The following CDV3 variants were observed in gnomAD, a reference collection of about 807,000 sequenced individuals.
CDV3 encodes protein CDV3 homolog.
In CDV3, 14 loss-of-function variants were observed where a neutral mutation model predicts 24.5. The observed-to-expected ratio is 0.57, with a 90% confidence interval of 0.38 to 0.89. The LOEUF is 0.89. Ranked by LOEUF, CDV3 falls within the 40% of genes least tolerant of loss-of-function variation. CDV3 has a pLI of 0.00. For missense variants in CDV3, 304 were observed against 310.2 expected, an observed-to-expected ratio of 0.98 and a Z score of 0.15; for synonymous variants, 114 against 114.1, an observed-to-expected ratio of 1.00 and a Z score of 0.00.
At position 133,588,285 on chromosome 3, in the gene CDV3, T is replaced by C. The variant is rs1242173874; in HGVS notation, c.*239T>C. 2 of 1,538,922 alleles carry C rather than the reference T, an allele frequency of 1.3e-6. No homozygotes were observed. Among genetic ancestry groups the C allele is most frequent in the African/African-American group, 2.7e-5 (2 of 72,930 alleles). ...CTAGTTTCAACAGTGTTCTTTCATA[T>C]TTACTCTGCAAATACAAAAAACCAA... On this transcript the variant is annotated 3_prime_UTR_variant, in exon 5 of 5. Coordinates refer to ENST00000264993, the MANE Select transcript of CDV3 (RefSeq NM_017548.5).
At chr3:133,574,461 C>T (rs2074723566) in intron 1 of CDV3, 177 bp downstream of exon 1, 5 of 986,544 alleles carry the variant, frequency 5.1e-6, no homozygotes, top group East Asian at 1.1e-4. Context: ...GCCGGGACCC[C>T]TTCCGATATC....
In CDV3 at chr3:133,573,879, A is replaced by T; in HGVS notation, c.-166A>T. The T allele has an allele frequency of 3.0e-6, 1 of 327,944 alleles. No individual in the cohort carries two copies. Among genetic ancestry groups the T allele is most frequent in the Non-Finnish European group, 4.4e-6 (1 of 229,306 alleles). The allele number at this position is 327,944 out of a possible 1,614,324, so 20.3% of individuals were successfully genotyped here. A position where few individuals can be genotyped will look rare whatever the true frequency, so the allele number is the denominator to read the frequency against. On this transcript the variant is annotated 5_prime_UTR_variant, in exon 1 of 5. Coordinates refer to ENST00000264993, the MANE Select transcript of CDV3 (RefSeq NM_017548.5). ...ACCGTACCACCGCTCGCCAGCACGC[A>T]GGGGGAGCCGCCCGTCTCGCCGCGC...
At chr3:133,575,933 C>T (rs999455584) in intron 2 of CDV3, among the ~76,000 whole-genome samples, 1 of 152,102 alleles carries the variant, frequency 6.6e-6, no homozygotes, top group Non-Finnish European at 1.5e-5. Flanking sequence ...CCTTTGCTCC[C>T]GGTTTAAAGA....
rs1345656572 is a variant in CDV3, at chr3:133,576,153, C to T, written c.317+1038C>T. Among the ~76,000 whole-genome samples the T allele has an allele frequency of 2.0e-5, 3 of 152,220 alleles. No homozygotes were observed. In the South Asian group the frequency reaches 6.2e-4, roughly 32 times the overall value. On this transcript the variant is annotated intron_variant, in intron 2 of 4. Coordinates refer to ENST00000264993, the MANE Select transcript of CDV3 (RefSeq NM_017548.5). ...TTGTTGAACACCTACCACAGCTAGG[C>T]ATTAATGTCCTACTGTGAAAACATC...
chr3:133,586,508 T>G lies in CDV3; in HGVS notation c.467-55T>G, dbSNP rs184920758. 3.1e-4 allele frequency: 282 copies of G among 901,116 alleles called. 2 individuals carry two copies. In the African/African-American group the frequency reaches 4.5e-3, roughly 14 times the overall value. 55.8% of individuals were successfully genotyped at this position (901,116 alleles called of 1,614,324 possible). A position where few individuals can be genotyped will look rare whatever the true frequency, so the allele number is the denominator to read the frequency against. On this transcript the variant is annotated intron_variant, in intron 3 of 4. Transcript: ENST00000264993. ...AATGATTGGGAATGCAAGAATAGCT[T>G]ATTAAAATGCTGAGCATTTAAATAG...
chr3:133,588,941 A>G lies in CDV3; in HGVS notation c.*895A>G, dbSNP rs1933873803. The G allele has an allele frequency of 6.5e-6, 1 of 152,888 alleles. No individual in the cohort carries two copies. The highest frequency in any genetic ancestry group is 1.9e-4 in the East Asian group (1 of 5,202). 9.5% of individuals were successfully genotyped at this position (152,888 alleles called of 1,614,324 possible). ...GTTAATTAAGTAACCTAAAGTATGC[A>G]TTAGGATTGTGAAATGTCTCGTGAG... On this transcript the variant is annotated 3_prime_UTR_variant, in exon 5 of 5. Coordinates refer to ENST00000264993, the MANE Select transcript of CDV3 (RefSeq NM_017548.5).
Position 133,587,231 on chromosome 3 carries a change from A to G in CDV3, c.626+509A>G, listed in dbSNP as rs1358715492. The G allele has an allele frequency of 1.5e-5, 20 of 1,302,654 alleles. No homozygotes were observed. In the Admixed American group the frequency reaches 6.4e-4, roughly 42 times the overall value. The allele number at this position is 1,302,654 out of a possible 1,614,324, so 80.7% of individuals were successfully genotyped here. On this transcript the variant is annotated intron_variant, in intron 4 of 4. Transcript: ENST00000264993. ...CACATCTACATCTTACTTTAGGGAC[A>G]TGAATTTTTTAAAATAAATAAAATG...
chr3:133,588,497 G>C lies in CDV3; in HGVS notation c.*451G>C, dbSNP rs1933830292. On this transcript the variant is annotated 3_prime_UTR_variant, in exon 5 of 5. Transcript: ENST00000264993. ...AACCAGCTCTACTGGATTCTTATCA[G>C]AAATCCTGCATAAAAAGTCAGCCAT... is the stretch of plus-strand genomic sequence containing the variant. 4.4e-6 allele frequency: 4 copies of C among 916,896 alleles called. No homozygotes were observed. The highest frequency in any genetic ancestry group is 2.5e-5 in the Admixed American group (1 of 39,740). 56.8% of individuals were successfully genotyped at this position (916,896 alleles called of 1,614,324 possible).
intron 1 of CDV3, 102 bp from the exon 2 acceptor site, chr3:133,574,937 A>C (rs776550593): frequency 3.2e-4 from 259 of 812,282 alleles, no homozygotes; most frequent in Non-Finnish European, 3.9e-4. Flanking sequence ...GTACATACTT[A>C]GTTTAGGTTC....
chr3:133,586,425 G>T, intron 3 of CDV3, 138 bp from the exon 4 acceptor site: 1 of 581,916 alleles, frequency 1.7e-6, no homozygotes, highest in Non-Finnish European at 3.1e-6. Context: ...TTTCTGAAAT[G>T]AATTCCCTTC....
Position 133,574,162 on chromosome 3 carries a change from G to C in CDV3, c.118G>C (p.Gly40Arg). 6 of 1,139,464 alleles carry C rather than the reference G, an allele frequency of 5.3e-6. No homozygotes were observed. Among genetic ancestry groups the C allele is most frequent in the Non-Finnish European group, 5.5e-6 (5 of 912,608 alleles). The allele number at this position is 1,139,464 out of a possible 1,614,324, so 70.6% of individuals were successfully genotyped here. A position where few individuals can be genotyped will look rare whatever the true frequency, so the allele number is the denominator to read the frequency against. ...CGCGGGCGCAGCGGGCAGCGCCGGC[G>C]GAAGCAGTGGAGCCGCGGGTGCGGC... ...SAAGAAGSAGGSSGAAGAAGG... is the reference protein window; with the variant it reads ...SAAGAAGSAGRSSGAAGAAGG... The change falls in exon 1 of 5, where the codon GGA becomes CGA. Residue 40 changes from glycine to arginine, a missense_variant. Physicochemically the swap from Gly to Arg is moderately radical, Grantham distance 125. This residue lies in a region of CDV3 where 219 missense variants were observed against 203.6 expected (regional missense o/e 1.08). Coordinates refer to ENST00000264993, the MANE Select transcript of CDV3 (RefSeq NM_017548.5).
At chr3:133,585,656 C>T (rs879755194) in intron 3 of CDV3, among the ~76,000 whole-genome samples, 4 of 151,654 alleles carry the variant, frequency 2.6e-5, no homozygotes, top group Non-Finnish European at 2.9e-5. Flanking sequence ...CACCATGCCC[C>T]GCTACATCTT....
intron 4 of CDV3, 46 bp from the exon 5 acceptor site, chr3:133,587,850 C>T (rs748872084): frequency 2.6e-6 from 4 of 1,543,608 alleles, no homozygotes; most frequent in East Asian, 2.3e-5. Context: ...TTTCAAAAAC[C>T]CTAGTGAAGA....
At position 133,586,598 on chromosome 3, in the gene CDV3, G is replaced by A. The variant is rs145414395; in HGVS notation, c.502G>A (p.Val168Met). The change falls in exon 4 of 5, where the codon GTG (valine) becomes ATG (methionine). Residue 168 changes from valine (V) to methionine (M), a missense_variant. Transcript: ENST00000264993. ...CCCAGAACCAGCGATGACTAGTGGTGTGTATAGGCCTCCTGGGGCCAGGTT... is the reference window on the plus strand; with the variant it reads ...CCCAGAACCAGCGATGACTAGTGGTATGTATAGGCCTCCTGGGGCCAGGTT... ...ETPEPAMTSG[V>M]YRPPGARLTT... 5.0e-6 allele frequency: 8 copies of A among 1,599,394 alleles called. No individual in the cohort carries two copies. Among genetic ancestry groups the A allele is most frequent in the Non-Finnish European group, 6.9e-6 (8 of 1,166,610 alleles).
Position 133,573,895 on chromosome 3 carries a change from C to G in CDV3, c.-150C>G. On this transcript the variant is annotated 5_prime_UTR_variant, in exon 1 of 5. Transcript: ENST00000264993. Reference sequence around the variant, plus strand: ...CCAGCACGCAGGGGGAGCCGCCCGTCTCGCCGCGCACGCCTCGGCGACCCC... The same window carrying G: ...CCAGCACGCAGGGGGAGCCGCCCGTGTCGCCGCGCACGCCTCGGCGACCCC... 3 of 479,488 alleles carry G rather than the reference C, an allele frequency of 6.3e-6. No individual in the cohort carries two copies. Among genetic ancestry groups the G allele is most frequent in the Non-Finnish European group, 8.2e-6 (3 of 367,858 alleles). 29.7% of individuals were successfully genotyped at this position (479,488 alleles called of 1,614,324 possible).
At chr3:133,577,945 G>C (rs1236808386) in intron 2 of CDV3, among the ~76,000 whole-genome samples, 1 of 152,174 alleles carries the variant, frequency 6.6e-6, no homozygotes, top group East Asian at 1.9e-4. Flanking sequence ...GCTGTCATTT[G>C]AGTTAGATCC....
intron 3 of CDV3, among the ~76,000 whole-genome samples, chr3:133,586,074 G>A (rs1280365421): frequency 6.6e-6 from 1 of 152,010 alleles, no homozygotes; most frequent in African/African-American, 2.4e-5. Context: ...TACTACCCTA[G>A]AAAAATACAA....
In CDV3 at chr3:133,588,352, G is replaced by C; in HGVS notation, c.*306G>C. 1 of 1,536,178 alleles carries C rather than the reference G, an allele frequency of 6.5e-7. No individual in the cohort carries two copies. Among genetic ancestry groups the C allele is most frequent in the Non-Finnish European group, 8.7e-7 (1 of 1,146,882 alleles). ...TCATTTCAAAATCTTTTTATGTTCA[G>C]ATACTGAGCCTTCATAAGGGTTGAC... is the stretch of plus-strand genomic sequence containing the variant. On this transcript the variant is annotated 3_prime_UTR_variant, in exon 5 of 5. Coordinates refer to ENST00000264993, the MANE Select transcript of CDV3 (RefSeq NM_017548.5).
In CDV3 at chr3:133,575,080, T is replaced by A; in HGVS notation, c.282T>A (p.Asp94Glu). 1 of 1,605,392 alleles carries A rather than the reference T, an allele frequency of 6.2e-7. No individual in the cohort carries two copies. The highest frequency in any genetic ancestry group is 8.5e-7 in the Non-Finnish European group (1 of 1,172,030). ...AAGAATTGGAGCAAAAAGAGGTTGATTACAGCGGCCTCAGGGTTCAGGCAA... is the reference window on the plus strand; with the variant it reads ...AAGAATTGGAGCAAAAAGAGGTTGAATACAGCGGCCTCAGGGTTCAGGCAA... ...EWKELEQKEV[D>E]YSGLRVQAMQ... is the part of the protein sequence containing the mutation. The change falls in exon 2 of 5, where the codon GAT becomes GAA. Residue 94 changes from aspartate (D) to glutamate (E), a missense_variant. Transcript: ENST00000264993.
Sources: allele counts gnomAD v4.1 joint callset (sites outside exome capture counted in the v4.1 genomes callset), GRCh38; gene constraint gnomAD v4.1.1; regional missense constraint gnomAD v4.1.1; transcripts MANE v1.5; gene names NCBI Gene and HGNC (gene_info 2026-07-23, HGNC 2026-07-21).